The following AFAP1 variants were observed in gnomAD, a reference collection of about 807,000 sequenced individuals.
The protein encoded by AFAP1 is actin filament-associated protein 1.
AFAP1 carries 75 observed loss-of-function variants against 93.9 expected under a neutral mutation model. The ratio of observed to expected loss-of-function variants is 0.80; its 90% confidence interval spans 0.66 to 0.97. The LOEUF (loss-of-function observed/expected upper bound fraction) is 0.97. Ranked by LOEUF, AFAP1 falls within the 50% of genes least tolerant of loss-of-function variation. AFAP1 has a pLI of 0.00. For synonymous variants in AFAP1, 517 were observed against 430.7 expected (o/e 1.20, Z -2.48); for missense variants, 1,201 against 1,050.8 (o/e 1.14, Z -1.98).
chr4:7,880,315 T>C (rs1717769123), intron 1 of AFAP1, among the ~76,000 whole-genome samples: 1 of 139,634 alleles, frequency 7.2e-6, no homozygotes, highest in Admixed American at 7.7e-5. Flanking sequence ...AGTCTCACTC[T>C]GTCACCCAGG....
At chr4:7,847,087 A>T (rs973302087) in intron 4 of AFAP1, among the ~76,000 whole-genome samples, 3 of 152,252 alleles carry the variant, frequency 2.0e-5, no homozygotes, top group Non-Finnish European at 4.4e-5. Context: ...ACTTAGCAGC[A>T]AACAAGGAAC....
chr4:7,848,458 G>A (rs1026769789), intron 4 of AFAP1, among the ~76,000 whole-genome samples: 2 of 152,180 alleles, frequency 1.3e-5, no homozygotes, highest in Non-Finnish European at 2.9e-5. Context: ...AGGTGGGGAA[G>A]TGCGGGAGGG....
At chr4:7,913,625 G>C (rs1447390757) in intron 1 of AFAP1, among the ~76,000 whole-genome samples, 1 of 152,100 alleles carries the variant, frequency 6.6e-6, no homozygotes, top group South Asian at 2.1e-4. Context: ...GTAAGAGGAA[G>C]AAAATGAGCA....
intron 3 of AFAP1, among the ~76,000 whole-genome samples, chr4:7,858,415 C>T (rs73090508): frequency 1.3e-5 from 2 of 152,078 alleles, no homozygotes; most frequent in Non-Finnish European, 2.9e-5. Flanking sequence ...CTCTCAAATA[C>T]CACTTATCCT....
intron 1 of AFAP1, among the ~76,000 whole-genome samples, chr4:7,902,172 C>T (rs1266148146): frequency 1.3e-5 from 2 of 152,146 alleles, no homozygotes; most frequent in African/African-American, 4.8e-5. Context: ...TGAAAAAGAA[C>T]CCAGCTGGTT....
intron 1 of AFAP1, among the ~76,000 whole-genome samples, chr4:7,918,910 G>A (rs866586649): frequency 6.4e-4 from 77 of 120,952 alleles, no homozygotes; most frequent in African/African-American, 6.6e-4. Context: ...CAGGTCACCA[G>A]GAAACAGGGC....
In AFAP1 at chr4:7,774,775, T is replaced by C. The variant is rs1715923218; in HGVS notation, c.2026A>G (p.Arg676Gly). The change falls in exon 15 of 18, where the codon AGA becomes GGA. Residue 676 changes from arginine to glycine, a missense_variant. Transcript: ENST00000420658. ...RNRLAQLRKERKDLRAAIEVN... is the reference protein window; with the variant it reads ...RNRLAQLRKEGKDLRAAIEVN... ...TCAATAGCCGCTCGAAGGTCTTTTC[T>C]TTCCTTGCGGAGCTGGGCCAGCCTA... The C allele has an allele frequency of 6.2e-7, 1 of 1,614,142 alleles. No individual in the cohort carries two copies. The highest frequency in any genetic ancestry group is 1.3e-5 in the African/African-American group (1 of 74,940).
At chr4:7,893,334 A>G (rs1250099400) in intron 1 of AFAP1, among the ~76,000 whole-genome samples, 1 of 152,200 alleles carries the variant, frequency 6.6e-6, no homozygotes, top group Non-Finnish European at 1.5e-5. Flanking sequence ...TAATCCCAAC[A>G]CTTTGGGAGG....
intron 5 of AFAP1, among the ~76,000 whole-genome samples, chr4:7,839,413 T>C (rs1224446905): frequency 6.6e-6 from 1 of 151,944 alleles, no homozygotes; most frequent in Non-Finnish European, 1.5e-5. Flanking sequence ...TATTTAAATG[T>C]ATATATAAAA....
In AFAP1 at chr4:7,772,994, C is replaced by A. The variant is rs756463591; in HGVS notation, c.2079G>T (p.Ala693=). The A allele has an allele frequency of 1.9e-6, 3 of 1,610,374 alleles. No individual in the cohort carries two copies. The African/African-American group carries it at 4.0e-5, about 21-fold the overall frequency. ...IEVNAGRKPQ[A]ILEEKLKQLE... ...GCTGCTTCAGCTTCTCCTCCAGGAT[C>A]GCCTGCGGCTTCCTGCCTGGAATTC... The change falls in exon 16 of 18, where the codon GCG becomes GCT. Residue 693 remains alanine (A), a synonymous_variant. Transcript: ENST00000420658.
chr4:7,871,963 T>C lies in AFAP1; in HGVS notation c.116A>G (p.Gln39Arg). ...AVITNILLRIQSSKGFDVKDH... is the reference protein window; with the variant it reads ...AVITNILLRIRSSKGFDVKDH... ...AGAATGAGACTCACCTTTGGATGAC[T>C]GTATTCTTAGCAGAATGTTGGTTAT... Residue 39 changes from glutamine (Q) to arginine (R), a missense_variant, in exon 2 of 18, where the codon CAG (glutamine) becomes CGG (arginine). Coordinates refer to ENST00000420658, the MANE Select transcript of AFAP1 (RefSeq NM_001134647.2). 6.2e-7 allele frequency: 1 copy of C among 1,614,232 alleles called. No homozygotes were observed. The highest frequency in any genetic ancestry group is 8.5e-7 in the Non-Finnish European group (1 of 1,180,042).
intron 1 of AFAP1, among the ~76,000 whole-genome samples, chr4:7,906,277 G>A (rs1719396525): frequency 6.6e-6 from 1 of 152,194 alleles, no homozygotes; most frequent in African/African-American, 2.4e-5. Context: ...GAATCAGGGG[G>A]CAACAGAAGA....
intron 1 of AFAP1, among the ~76,000 whole-genome samples, chr4:7,888,527 T>A (rs1396280264): frequency 6.6e-6 from 1 of 152,208 alleles, no homozygotes; most frequent in Non-Finnish European, 1.5e-5. Flanking sequence ...GGCAAATTCC[T>A]TAAAAGATGC....
intron 17 of AFAP1, 141 bp from the exon 18 acceptor site, chr4:7,763,932 C>T (rs538267063): frequency 2.9e-5 from 22 of 767,994 alleles, no homozygotes; most frequent in African/African-American, 5.1e-5. Context: ...ACCAATGACC[C>T]GGCAATTCCA....
intron 3 of AFAP1, among the ~76,000 whole-genome samples, chr4:7,863,984 T>C (rs796674021): frequency 5.6e-5 from 4 of 70,822 alleles, no homozygotes; most frequent in African/African-American, 1.2e-4. Context: ...CATTCCCAAC[T>C]TCCCATCACA....
In AFAP1 at chr4:7,759,246, T is replaced by A. The variant is rs534339756; in HGVS notation, c.*4519A>T. On this transcript the variant is annotated 3_prime_UTR_variant, in exon 18 of 18. Coordinates refer to ENST00000420658, the MANE Select transcript of AFAP1 (RefSeq NM_001134647.2). ...AAGACTTATGATCTGAAGATGTCCT[T>A]TTGAAAGTATCTTCCATGGCTACAC... 6.5e-6 allele frequency: 1 copy of A among 152,790 alleles called. No individual in the cohort carries two copies. Among genetic ancestry groups the A allele is most frequent in the South Asian group, 2.1e-4 (1 of 4,834 alleles). 9.5% of individuals were successfully genotyped at this position (152,790 alleles called of 1,614,324 possible).
chr4:7,907,270 A>G (rs1415075042), intron 1 of AFAP1, among the ~76,000 whole-genome samples: 3 of 152,090 alleles, frequency 2.0e-5, no homozygotes, highest in Non-Finnish European at 4.4e-5. Flanking sequence ...CAGCTAAACC[A>G]CTGCTTCTCC....
At chr4:7,803,004 G>A (rs776941034) in intron 9 of AFAP1, among the ~76,000 whole-genome samples, 2 of 152,152 alleles carry the variant, frequency 1.3e-5, no homozygotes, top group African/African-American at 4.8e-5. Context: ...CTGAGCACCC[G>A]AGTAACAGCG....
intron 6 of AFAP1, among the ~76,000 whole-genome samples, chr4:7,830,712 C>A (rs1014473442): frequency 3.3e-5 from 5 of 152,062 alleles, no homozygotes; most frequent in Admixed American, 1.3e-4. Flanking sequence ...GGGGCTCCAG[C>A]GATCCTCCTG....
Sources: gnomAD v4.1 joint callset for allele counts (sites outside exome capture counted in the v4.1 genomes callset) on GRCh38, gnomAD v4.1.1 for gene constraint, MANE v1.5 for transcripts, NCBI Gene and HGNC (gene_info 2026-07-23, HGNC 2026-07-21) for gene names.